The following NAF1 variants were observed in gnomAD, a reference collection of about 807,000 sequenced individuals.
NAF1 encodes the protein H/ACA ribonucleoprotein complex non-core subunit NAF1.
Under a neutral mutation model 40.6 loss-of-function variants are expected in NAF1, and 11 were observed. The observed-to-expected ratio is 0.27, with a 90% CI of 0.17 to 0.45. The LOEUF is 0.45. Among genes scored for constraint, NAF1 ranks in the 20% least tolerant of loss-of-function variants. The pLI is 1.00. For synonymous variants in NAF1, 260 were observed against 228.5 expected (o/e 1.14, Z -1.24); for missense variants, 607 against 611.1 (o/e 0.99, Z 0.07).
downstream of NAF1, among the ~76,000 whole-genome samples, chr4:163,124,997 T>G (rs950471472): frequency 6.6e-6 from 1 of 152,226 alleles, no homozygotes; most frequent in Non-Finnish European, 1.5e-5. Context: ...GTTATTTGTG[T>G]TATAGCGATC....
At chr4:163,126,784 T>C (rs1730668723), downstream of NAF1, 1 of 556,580 alleles carries the variant, frequency 1.8e-6, no homozygotes, top group Non-Finnish European at 2.9e-6. Context: ...CACACTTCAC[T>C]GCTATCTATT....
chr4:163,166,222 T>TCAA (rs747687744), intron 1 of NAF1, 141 bp downstream of exon 1: 53 of 1,091,476 alleles, frequency 4.9e-5, no homozygotes, highest in Non-Finnish European at 6.1e-5. Context: ...AGCCAATACT[T>TCAA]CAACACGTGA....
Position 163,129,352 on chromosome 4 carries a change from T to TA in NAF1, c.1034-5_1034-4insT. On this transcript the variant is annotated splice_polypyrimidine_tract_variant and splice_region_variant and intron_variant, in intron 7 of 7. Transcript: ENST00000274054. ...TGTACTTCAGTAAAATCTTCACCTT[T>TA]GAGTGAGGGGAGGGAAAACATAAAA... The TA allele has an allele frequency of 6.3e-7, 1 of 1,595,708 alleles. No individual in the cohort carries two copies. The highest frequency in any genetic ancestry group is 8.6e-7 in the Non-Finnish European group (1 of 1,164,964).
chr4:163,149,092 C>A (rs1371381261), intron 2 of NAF1, among the ~76,000 whole-genome samples: 1 of 152,112 alleles, frequency 6.6e-6, no homozygotes. Flanking sequence ...TCTTTTCTTA[C>A]CCACCTGCAA....
At chr4:163,126,898 G>A, downstream of NAF1, 2 of 1,463,482 alleles carry the variant, frequency 1.4e-6, no homozygotes, top group Non-Finnish European at 1.8e-6. Context: ...CTCACTGCAG[G>A]CTCAAAGGGT....
chr4:163,154,096 T>C (rs1057063969), intron 2 of NAF1, among the ~76,000 whole-genome samples: 1 of 151,518 alleles, frequency 6.6e-6, no homozygotes, highest in Non-Finnish European at 1.5e-5. Flanking sequence ...TCCGAACACA[T>C]CTGAACATCA....
At chr4:163,149,723 T>C (rs1437607001) in intron 2 of NAF1, among the ~76,000 whole-genome samples, 2 of 152,170 alleles carry the variant, frequency 1.3e-5, no homozygotes, top group African/African-American at 2.4e-5. Context: ...GGGAAGACCA[T>C]GGTTTGAAAA....
intron 2 of NAF1, among the ~76,000 whole-genome samples, chr4:163,161,018 C>CAAAAAAAAAAA (rs796248441): frequency 1.7e-5 from 1 of 59,694 alleles, no homozygotes; most frequent in Non-Finnish European, 3.6e-5. Context: ...TGTCATTTTC[C>CAAAAAAAAAAA]AAAAAAAAAA....
intron 2 of NAF1, among the ~76,000 whole-genome samples, chr4:163,153,767 T>C (rs1230682973): frequency 6.6e-6 from 1 of 152,114 alleles, no homozygotes; most frequent in Non-Finnish European, 1.5e-5. Flanking sequence ...TGGGGCCAGA[T>C]AAGAGAATAA....
chr4:163,109,697 T>C (rs1730108547), downstream of NAF1, among the ~76,000 whole-genome samples: 1 of 152,306 alleles, frequency 6.6e-6, no homozygotes, highest in South Asian at 2.1e-4. Flanking sequence ...CTTGTTTCTG[T>C]GAGGTCCCCA....
chr4:163,163,453 T>C (rs1162045782), intron 2 of NAF1, among the ~76,000 whole-genome samples: 3 of 152,104 alleles, frequency 2.0e-5, no homozygotes, highest in Non-Finnish European at 1.5e-5. Context: ...GACCATTAAA[T>C]ATTTTTAAAG....
intron 2 of NAF1, among the ~76,000 whole-genome samples, chr4:163,114,698 T>C (rs1560775555): frequency 6.6e-6 from 1 of 152,192 alleles, no homozygotes; most frequent in Non-Finnish European, 1.5e-5. Context: ...TATAATGTCC[T>C]TGTCAGATTT....
Position 163,164,418 on chromosome 4 carries a change from A to G in NAF1, c.366-27T>C, listed in dbSNP as rs200433725. 553 of 1,447,102 alleles carry G rather than the reference A, an allele frequency of 3.8e-4. 4 individuals are homozygous for G. Among genetic ancestry groups the G allele is most frequent in the Non-Finnish European group, 4.6e-4 (498 of 1,086,326 alleles). The allele number at this position is 1,447,102 out of a possible 1,614,324, so 89.6% of individuals were successfully genotyped here. A position where few individuals can be genotyped will look rare whatever the true frequency, so the allele number is the denominator to read the frequency against. ...TGTAGGGAAGAAAACAGTTAAAAAA[A>G]TAGTCCAGTATTATTATACTAATAT... On this transcript the variant is annotated intron_variant, in intron 1 of 7. Coordinates refer to ENST00000274054, the MANE Select transcript of NAF1 (RefSeq NM_138386.3).
downstream of NAF1, among the ~76,000 whole-genome samples, chr4:163,109,666 C>T (rs1457953119): frequency 1.3e-5 from 2 of 152,116 alleles, no homozygotes; most frequent in East Asian, 1.9e-4. Flanking sequence ...TACCTCACAG[C>T]CTAAAAAAAG....
rs766203892 is a variant in NAF1 at position 163,166,559 on chromosome 4, C to T, written c.169G>A (p.Val57Met). ...TGCTCCCCGGCAGGCTTAACCTCCA[C>T]GGTCTGCCCAGCGTCCGGGGACCCC... ...FEGSPDAGQT[V>M]EVKPAGEQPL... Residue 57 changes from valine (V) to methionine (M), a missense_variant, in exon 1 of 8, where the codon GTG (valine) becomes ATG (methionine). This residue lies in a region of NAF1 where 407 missense variants were observed against 365.5 expected (regional missense o/e 1.11). Transcript: ENST00000274054. 4 of 1,601,314 alleles carry T rather than the reference C, an allele frequency of 2.5e-6. No homozygotes were observed. The highest frequency in any genetic ancestry group is 3.4e-6 in the Non-Finnish European group (4 of 1,174,704).
At chr4:163,153,784 G>A (rs1731845044) in intron 2 of NAF1, among the ~76,000 whole-genome samples, 1 of 152,146 alleles carries the variant, frequency 6.6e-6, no homozygotes, top group Non-Finnish European at 1.5e-5. Flanking sequence ...ATAAAAGCAG[G>A]CTGCCCCAGC....
At position 163,140,338 on chromosome 4, in the gene NAF1, G is replaced by GT; in HGVS notation, c.762dup (p.Arg255ThrfsTer3). On this transcript the variant is annotated frameshift_variant, in exon 5 of 8. Transcript: ENST00000274054. LOFTEE classifies it high-confidence loss of function. ...TCAATGTGATCTGAAGAATTAAACC[G>GT]TAACACATAAAATGGATGTGCAACA... The GT allele has an allele frequency of 6.2e-7, 1 of 1,606,910 alleles. No homozygotes were observed. The highest frequency in any genetic ancestry group is 8.5e-7 in the Non-Finnish European group (1 of 1,177,364).
At chr4:163,104,707 A>G in the NAF1 span, among the ~76,000 whole-genome samples, 2 of 152,226 alleles carry the variant, frequency 1.3e-5, no homozygotes, top group South Asian at 4.1e-4. Flanking sequence ...CAATGCAATA[A>G]AAGTGATACG....
chr4:163,139,531 T>G (rs1490617273), intron 5 of NAF1, among the ~76,000 whole-genome samples: 1 of 152,156 alleles, frequency 6.6e-6, no homozygotes, highest in East Asian at 1.9e-4. Context: ...CAAGTTTAGC[T>G]GATACAAACA....
Sources: gnomAD v4.1 joint callset for allele counts (sites outside exome capture counted in the v4.1 genomes callset) on GRCh38, gnomAD v4.1.1 for gene constraint, gnomAD v4.1.1 regional missense constraint, MANE v1.5 for transcripts, NCBI Gene and HGNC (gene_info 2026-07-23, HGNC 2026-07-21) for gene names.